The following NFIB variants were observed in gnomAD, a reference collection of about 807,000 sequenced individuals.
NFIB encodes nuclear factor 1 B-type.
NFIB carries 11 observed loss-of-function variants against 61.5 expected under a neutral mutation model. That is an observed-to-expected ratio of 0.18 (90% CI 0.11 to 0.30). The LOEUF is 0.30. Among genes scored for constraint, NFIB ranks in the 10% least tolerant of loss-of-function variants. NFIB has a pLI of 1.00. For missense variants in NFIB, 471 were observed against 608.9 expected (o/e 0.77, Z 2.38); for synonymous variants, 260 against 216.5 (o/e 1.20, Z -1.76).
At chr9:14,210,323 C>A (rs372202423) in intron 2 of NFIB, among the ~76,000 whole-genome samples, 1 of 152,022 alleles carries the variant, frequency 6.6e-6, no homozygotes, top group East Asian at 1.9e-4. Flanking sequence ...AAGATCTCTA[C>A]CCTTTTCATC....
the NFIB span, among the ~76,000 whole-genome samples, chr9:14,409,322 T>C: frequency 6.6e-6 from 1 of 152,194 alleles, no homozygotes; most frequent in Admixed American, 6.5e-5. Context: ...TTGAACTATC[T>C]GTTCTTATGA....
At chr9:14,400,945 C>T (rs1191314876), upstream of NFIB, among the ~76,000 whole-genome samples, 5 of 152,218 alleles carry the variant, frequency 3.3e-5, no homozygotes. Flanking sequence ...GCGACCACTC[C>T]TCGGGCCAGA....
rs892229926 is a variant in NFIB, at chr9:14,230,187, T to C, written c.563-50407A>G. Among the ~76,000 whole-genome samples, 4 of 152,192 alleles carry C rather than the reference T, an allele frequency of 2.6e-5. No homozygotes were observed. The East Asian group carries it at 5.8e-4, about 22-fold the overall frequency. On this transcript the variant is annotated intron_variant, in intron 2 of 10. Transcript: ENST00000380953. ...AAATAATTCAGGCAGAGTACAATTA[T>C]AATATTTGGGGACAGGGAGAAAGCC...
intron 2 of NFIB, among the ~76,000 whole-genome samples, chr9:14,197,770 G>A (rs568631590): frequency 2.0e-5 from 3 of 152,114 alleles, no homozygotes; most frequent in African/African-American, 7.2e-5. Context: ...CAGCGCTTTA[G>A]CAAATTTTGG....
the NFIB span, among the ~76,000 whole-genome samples, chr9:14,491,807 T>C: frequency 6.6e-6 from 1 of 152,152 alleles, no homozygotes; most frequent in Non-Finnish European, 1.5e-5. Context: ...CCCTACAAAA[T>C]CTATATCCAT....
At chr9:14,351,010 G>A (rs2061103991) in intron 1 of NFIB, among the ~76,000 whole-genome samples, 1 of 152,178 alleles carries the variant, frequency 6.6e-6, no homozygotes, top group African/African-American at 2.4e-5. Flanking sequence ...AAGGAGACTC[G>A]GAGGGAAATC....
At chr9:14,345,683 C>T (rs951822107) in intron 1 of NFIB, among the ~76,000 whole-genome samples, 2 of 152,148 alleles carry the variant, frequency 1.3e-5, no homozygotes, top group South Asian at 2.1e-4. Flanking sequence ...TTCTCCTCTG[C>T]CCCATCTCCG....
intron 1 of NFIB, among the ~76,000 whole-genome samples, chr9:14,390,575 T>C: frequency 6.6e-6 from 1 of 152,376 alleles, no homozygotes; most frequent in Non-Finnish European, 1.5e-5. Flanking sequence ...AATTTTTGTG[T>C]CCTCCCAAAA....
chr9:14,343,451 A>T (rs972844336), intron 1 of NFIB, among the ~76,000 whole-genome samples: 1 of 152,120 alleles, frequency 6.6e-6, no homozygotes, highest in South Asian at 2.1e-4. Context: ...CCTGTAGCAG[A>T]CACAGATGCT....
chr9:14,313,489 A>C lies in NFIB; in HGVS notation c.23T>G (p.Leu8Arg). MMYSPIC[L>R]TQDEFHPFIE... ...AGCGACCGAGACATGTACCTGAGTGAGACAGATGGGAGAATACATCATGAC... is the reference window on the plus strand; with the variant it reads ...AGCGACCGAGACATGTACCTGAGTGCGACAGATGGGAGAATACATCATGAC... The change falls in exon 1 of 11, where the codon CTC becomes CGC. Residue 8 changes from leucine (L) to arginine (R), a missense_variant. Transcript: ENST00000380953. The surrounding 1 kb of genome is among the most constrained non-coding windows in gnomAD (Gnocchi z 4.5). 1 of 1,614,096 alleles carries C rather than the reference A, an allele frequency of 6.2e-7. No homozygotes were observed. The highest frequency in any genetic ancestry group is 8.5e-7 in the Non-Finnish European group (1 of 1,179,976).
upstream of NFIB, among the ~76,000 whole-genome samples, chr9:14,399,280 C>A (rs1333522115): frequency 6.6e-6 from 1 of 152,138 alleles, no homozygotes; most frequent in African/African-American, 2.4e-5. Context: ...ATTGAAAGCA[C>A]TGGTCTAGAT....
chr9:14,438,159 C>T, the NFIB span, among the ~76,000 whole-genome samples: 1 of 152,098 alleles, frequency 6.6e-6, no homozygotes. Context: ...AAATCTCGTG[C>T]TTGTAAGGGT....
the NFIB span, among the ~76,000 whole-genome samples, chr9:14,436,480 T>C: frequency 1.3e-5 from 2 of 152,214 alleles, no homozygotes; most frequent in African/African-American, 2.4e-5. Context: ...ATGTCAGTCA[T>C]TGTGTGGATA....
At chr9:14,197,153 C>T (rs1336514248) in intron 2 of NFIB, among the ~76,000 whole-genome samples, 1 of 152,168 alleles carries the variant, frequency 6.6e-6, no homozygotes, top group African/African-American at 2.4e-5. Context: ...TGACCCTTTA[C>T]AATTACCAGA....
chr9:14,111,758 CTG>C (rs1338725476), intron 10 of NFIB, among the ~76,000 whole-genome samples: 2 of 152,144 alleles, frequency 1.3e-5, no homozygotes, highest in African/African-American at 4.8e-5. Context: ...ATTTTCATAA[CTG>C]TGTACAGATG....
At chr9:14,336,197 T>A (rs1314092937) in intron 1 of NFIB, among the ~76,000 whole-genome samples, 1 of 152,252 alleles carries the variant, frequency 6.6e-6, no homozygotes, top group Non-Finnish European at 1.5e-5. Context: ...CCAAGAAACC[T>A]TGAATCTGCT....
intron 1 of NFIB, among the ~76,000 whole-genome samples, chr9:14,363,481 G>A (rs1418932607): frequency 3.3e-5 from 5 of 152,140 alleles, no homozygotes; most frequent in Admixed American, 3.3e-4. Flanking sequence ...TTACAGTAAA[G>A]TTGATGGATT....
intron 8 of NFIB, among the ~76,000 whole-genome samples, chr9:14,118,400 C>G (rs2038445236): frequency 6.6e-6 from 1 of 152,028 alleles, no homozygotes; most frequent in Non-Finnish European, 1.5e-5. Flanking sequence ...CTACCCTGAC[C>G]ATTCTACAAA....
upstream of NFIB, among the ~76,000 whole-genome samples, chr9:14,402,924 G>A (rs1053452773): frequency 1.3e-5 from 2 of 152,120 alleles, no homozygotes; most frequent in African/African-American, 4.8e-5. Context: ...ACAAAAAGTA[G>A]TCGATTTCTA....
Sources: allele counts gnomAD v4.1 joint callset (sites outside exome capture counted in the v4.1 genomes callset), GRCh38; gene constraint gnomAD v4.1.1; non-coding constraint Gnocchi (gnomAD v3.1); transcripts MANE v1.5; gene names NCBI Gene and HGNC (gene_info 2026-07-23, HGNC 2026-07-21).